The following DOCK5 variants were observed in gnomAD, a reference collection of about 807,000 sequenced individuals.
DOCK5 encodes dedicator of cytokinesis protein 5.
A neutral mutation model predicts 251.8 loss-of-function variants in DOCK5; 142 were observed. The observed-to-expected ratio is 0.56, with a 90% CI of 0.49 to 0.65. The LOEUF is 0.65. DOCK5 is among the 30% of genes least tolerant of loss of function. The pLI is 0.00. For synonymous variants in DOCK5, 842 were observed against 835.5 expected (o/e 1.01, Z -0.13); for missense variants, 2,111 against 2,312.3 (o/e 0.91, Z 1.79).
intron 27 of DOCK5, among the ~76,000 whole-genome samples, chr8:25,358,429 A>G (rs1800616842): frequency 6.6e-6 from 1 of 152,120 alleles, no homozygotes; most frequent in African/African-American, 2.4e-5. Context: ...ACATGGGGAT[A>G]ATGGGAACTA....
rs1563326297 is a variant in DOCK5 at position 25,254,804 on chromosome 8, A to AG, written c.127+11047_127+11048insG. On this transcript the variant is annotated intron_variant, in intron 2 of 51. Transcript: ENST00000276440. ...AAAACAAAACAAAACAAAAAAAAAA[A>AG]ACATTTGATAAAGGACTATTATCTA... Among the ~76,000 whole-genome samples, 25 of 145,698 alleles carry AG rather than the reference A, an allele frequency of 1.7e-4. 1 individual carries two copies. Among genetic ancestry groups the AG allele is most frequent in the African/African-American group, 6.6e-4 (25 of 37,912 alleles).
intron 13 of DOCK5, among the ~76,000 whole-genome samples, chr8:25,313,269 G>T (rs1037611110): frequency 3.3e-5 from 5 of 152,038 alleles, no homozygotes; most frequent in Non-Finnish European, 7.4e-5. Flanking sequence ...CTCTTTCTCT[G>T]TTCTCACCTC....
intron 1 of DOCK5, among the ~76,000 whole-genome samples, chr8:25,203,480 C>T (rs1801927244): frequency 1.3e-5 from 2 of 152,178 alleles, no homozygotes; most frequent in Admixed American, 1.3e-4. Flanking sequence ...AAGCCAAGAG[C>T]CTTGGAAATT....
chr8:25,232,099 T>C (rs1802681467), intron 1 of DOCK5, among the ~76,000 whole-genome samples: 1 of 152,236 alleles, frequency 6.6e-6, no homozygotes, highest in South Asian at 2.1e-4. Flanking sequence ...ATTTGCATCC[T>C]TTTAAATTAA....
intron 1 of DOCK5, among the ~76,000 whole-genome samples, chr8:25,239,351 G>GTGTGTGTGTT (rs1554521933): frequency 2.6e-5 from 4 of 151,236 alleles, no homozygotes; most frequent in African/African-American, 7.3e-5. Context: ...ATGTGTGTGT[G>GTGTGTGTGTT]TGTGTGTGTG....
intron 2 of DOCK5, among the ~76,000 whole-genome samples, chr8:25,251,419 T>G (rs554171552): frequency 6.6e-6 from 1 of 152,048 alleles, no homozygotes; most frequent in African/African-American, 2.4e-5. Flanking sequence ...AAAAGAAGGG[T>G]TTGTATACGT....
intron 1 of DOCK5, among the ~76,000 whole-genome samples, chr8:25,228,112 A>T (rs893909634): frequency 1.3e-5 from 2 of 152,140 alleles, no homozygotes; most frequent in African/African-American, 4.8e-5. Flanking sequence ...CCTGGGCTCA[A>T]GCGATCTGCC....
intron 1 of DOCK5, among the ~76,000 whole-genome samples, chr8:25,239,475 G>A (rs1802889046): frequency 6.6e-6 from 1 of 151,950 alleles, no homozygotes; most frequent in Non-Finnish European, 1.5e-5. Flanking sequence ...AGGAAGAGGT[G>A]AAGCTTGGTC....
chr8:25,203,125 T>C (rs573350940), intron 1 of DOCK5, among the ~76,000 whole-genome samples: 2 of 152,370 alleles, frequency 1.3e-5, no homozygotes, highest in South Asian at 4.1e-4. Flanking sequence ...CAGCCATTTC[T>C]GGTCTTAACA....
intron 8 of DOCK5, 68 bp downstream of exon 8, chr8:25,299,169 C>T (rs755540576): frequency 2.4e-4 from 365 of 1,534,724 alleles, no homozygotes; most frequent in Non-Finnish European, 3.1e-4. Flanking sequence ...GACCCCTACC[C>T]GGGCAGCTCT....
At chr8:25,380,854 G>A (rs141529049) in intron 39 of DOCK5, among the ~76,000 whole-genome samples, 2,225 of 151,982 alleles carry the variant, frequency 0.015, 26 homozygotes, top group Middle Eastern at 0.027. Context: ...AATGCCCAGT[G>A]GAGGCAGCCA....
intron 11 of DOCK5, among the ~76,000 whole-genome samples, chr8:25,306,910 C>G (rs1181119122): frequency 2.0e-5 from 3 of 152,134 alleles, no homozygotes; most frequent in Admixed American, 2.0e-4. Flanking sequence ...ATATAGACTA[C>G]TACACACCTA....
chr8:25,375,672 C>T, intron 37 of DOCK5: 1 of 981,272 alleles, frequency 1.0e-6, no homozygotes, highest in Non-Finnish European at 1.2e-6. Flanking sequence ...TATTCTTTTA[C>T]AGTTTATATT....
chr8:25,189,276 T>C (rs1801516547), intron 1 of DOCK5, among the ~76,000 whole-genome samples: 1 of 152,158 alleles, frequency 6.6e-6, no homozygotes, highest in African/African-American at 2.4e-5. Context: ...CAGGCTGATC[T>C]GGAACTCTTG....
At chr8:25,186,451 T>G (rs553751080) in intron 1 of DOCK5, among the ~76,000 whole-genome samples, 1 of 151,306 alleles carries the variant, frequency 6.6e-6, no homozygotes, top group Non-Finnish European at 1.5e-5. Flanking sequence ...CTCGGCTCAC[T>G]GCAAGCTCCA....
At chr8:25,277,375 A>G (rs1804069723) in intron 4 of DOCK5, 1 of 152,784 alleles carries the variant, frequency 6.5e-6, no homozygotes, top group South Asian at 1.8e-4. Context: ...CTAACAACCA[A>G]TCATCAGAAC....
At chr8:25,335,691 C>T (rs1805787945) in intron 21 of DOCK5, among the ~76,000 whole-genome samples, 1 of 152,098 alleles carries the variant, frequency 6.6e-6, no homozygotes, top group African/African-American at 2.4e-5. Flanking sequence ...TCTAGAAAGA[C>T]ACAAAGAGCA....
At chr8:25,298,637 G>C (rs1208212952) in intron 7 of DOCK5, among the ~76,000 whole-genome samples, 2 of 152,090 alleles carry the variant, frequency 1.3e-5, no homozygotes, top group African/African-American at 4.8e-5. Context: ...GTCTCACTTT[G>C]TTGCCCAGGC....
At chr8:25,382,636 T>C (rs748516262) in intron 39 of DOCK5, 38 bp from the exon 40 acceptor site, 1 of 1,521,588 alleles carries the variant, frequency 6.6e-7, no homozygotes, top group Non-Finnish European at 9.0e-7. Context: ...ACTGTGTACT[T>C]ATAACCTCCC....
Sources: gnomAD v4.1 joint callset for allele counts (sites outside exome capture counted in the v4.1 genomes callset) on GRCh38, gnomAD v4.1.1 for gene constraint, MANE v1.5 for transcripts, NCBI Gene and HGNC (gene_info 2026-07-23, HGNC 2026-07-21) for gene names.